TMEM131: variants seen among roughly 807,000 people sequenced by gnomAD.
TMEM131 encodes transmembrane protein 131.
TMEM131 carries 66 observed loss-of-function variants against 211.6 expected under a neutral mutation model. That is an observed-to-expected ratio of 0.31 (90% CI 0.26 to 0.38). The LOEUF (loss-of-function observed/expected upper bound fraction) is 0.38, where lower values mean the gene tolerates loss of function less well. Ranked by LOEUF, TMEM131 falls within the 10% of genes least tolerant of loss-of-function variation. TMEM131 has a pLI of 1.00. For synonymous variants in TMEM131, 844 were observed against 841.3 expected, an observed-to-expected ratio of 1.00 and a Z score of -0.06; for missense variants, 2,036 against 2,299.3, an observed-to-expected ratio of 0.89 and a Z score of 2.34.
At chr2:97,963,961 T>C (rs904055388) in intron 1 of TMEM131, among the ~76,000 whole-genome samples, 1 of 152,202 alleles carries the variant, frequency 6.6e-6, no homozygotes, top group Admixed American at 6.5e-5. Flanking sequence ...TTCTCAAATA[T>C]AAATGTTTTC....
In TMEM131 at chr2:97,766,526, T is replaced by C. The variant is rs373156820; in HGVS notation, c.4525A>G (p.Thr1509Ala). The C allele has an allele frequency of 4.3e-6, 7 of 1,613,890 alleles. No homozygotes were observed. Among genetic ancestry groups the C allele is most frequent in the Non-Finnish European group, 5.1e-6 (6 of 1,179,890 alleles). ...RNLPSKIPLPTAMTSGSKSRN... is the reference protein window; with the variant it reads ...RNLPSKIPLPAAMTSGSKSRN... ...GATTTGGATCCACTTGTCATTGCAG[T>C]TGGAAGAGGAATCTTGCTTGGGAGA... The change falls in exon 34 of 41, where the codon ACT (threonine) becomes GCT (alanine). Residue 1509 changes from threonine (T) to alanine (A), a missense_variant. Transcript: ENST00000186436.
chr2:97,987,096 A>T (rs1364891577), intron 1 of TMEM131, among the ~76,000 whole-genome samples: 1 of 152,274 alleles, frequency 6.6e-6, no homozygotes, highest in African/African-American at 2.4e-5. Flanking sequence ...CTTCACTGCC[A>T]AGACAGTTTT....
At chr2:97,814,209 A>G (rs1434327146) in intron 14 of TMEM131, 26 bp downstream of exon 14, 5 of 1,610,594 alleles carry the variant, frequency 3.1e-6, no homozygotes, top group Non-Finnish European at 4.2e-6. Context: ...CAGGAAAATT[A>G]AAAGTATGAG....
intron 4 of TMEM131, among the ~76,000 whole-genome samples, 176 bp from the exon 5 acceptor site, chr2:97,859,603 T>C (rs966511217): frequency 2.0e-5 from 3 of 152,218 alleles, no homozygotes; most frequent in African/African-American, 7.2e-5. Context: ...CAATAAATAT[T>C]TCCTGAGTGC....
At chr2:97,911,571 TATC>T (rs1676295119) in intron 2 of TMEM131, 1 of 967,864 alleles carries the variant, frequency 1.0e-6, no homozygotes, top group Non-Finnish European at 1.2e-6. Context: ...AGAAAAAAAT[TATC>T]ATGAAGACAG....
chr2:97,880,183 C>A (rs1030381049), intron 4 of TMEM131, among the ~76,000 whole-genome samples: 1 of 150,444 alleles, frequency 6.6e-6, no homozygotes, highest in African/African-American at 2.5e-5. Flanking sequence ...AATAACACGC[C>A]CAGCCCTTAT....
At chr2:97,782,338 C>T (rs1302374314) in intron 31 of TMEM131, among the ~76,000 whole-genome samples, 1 of 152,238 alleles carries the variant, frequency 6.6e-6, no homozygotes, top group East Asian at 1.9e-4. Context: ...GGTGGCACAA[C>T]CCCTTCCTCT....
chr2:97,820,318 G>C (rs1682050341), intron 11 of TMEM131, among the ~76,000 whole-genome samples: 2 of 152,164 alleles, frequency 1.3e-5, no homozygotes, highest in African/African-American at 2.4e-5. Flanking sequence ...TCACTGAAAG[G>C]TGAGTGTGTG....
chr2:97,885,615 G>A (rs1435306072), intron 4 of TMEM131, among the ~76,000 whole-genome samples: 1 of 151,728 alleles, frequency 6.6e-6, no homozygotes, highest in African/African-American at 2.4e-5. Flanking sequence ...TTCTTTCCTG[G>A]CCTGTAAGTT....
intron 1 of TMEM131, among the ~76,000 whole-genome samples, chr2:97,969,008 A>C (rs573877930): frequency 6.6e-6 from 1 of 151,590 alleles, no homozygotes; most frequent in South Asian, 2.1e-4. Flanking sequence ...ACATGAGCCT[A>C]GGAGATCGAG....
chr2:97,845,294 G>A (rs572217925), intron 5 of TMEM131, among the ~76,000 whole-genome samples: 1 of 151,976 alleles, frequency 6.6e-6, no homozygotes, highest in Non-Finnish European at 1.5e-5. Flanking sequence ...TCATACAGGA[G>A]TGTCAGCTAG....
At chr2:97,988,991 G>A (rs1680149075) in intron 1 of TMEM131, among the ~76,000 whole-genome samples, 1 of 152,126 alleles carries the variant, frequency 6.6e-6, no homozygotes. Context: ...AGAGCCAAGA[G>A]GTAGGAGCAA....
chr2:97,987,346 T>C (rs1000254607), intron 1 of TMEM131, among the ~76,000 whole-genome samples: 2 of 151,912 alleles, frequency 1.3e-5, no homozygotes, highest in Non-Finnish European at 2.9e-5. Flanking sequence ...CTACTAAAAA[T>C]ACAAAAATTA....
intron 5 of TMEM131, among the ~76,000 whole-genome samples, chr2:97,858,985 T>A (rs936045417): frequency 4.6e-5 from 7 of 152,206 alleles, no homozygotes; most frequent in African/African-American, 1.7e-4. Flanking sequence ...TTTGTGGTAA[T>A]TTATTATGTA....
intron 1 of TMEM131, among the ~76,000 whole-genome samples, chr2:97,989,146 A>AC (rs1680155109): frequency 6.6e-6 from 1 of 152,220 alleles, no homozygotes; most frequent in African/African-American, 2.4e-5. Context: ...CTTTTGAAGA[A>AC]AACAGGCTAT....
At chr2:97,868,974 C>T (rs111948145) in intron 4 of TMEM131, among the ~76,000 whole-genome samples, 6 of 152,134 alleles carry the variant, frequency 3.9e-5, no homozygotes, top group Non-Finnish European at 5.9e-5. Context: ...GAAGCTCAAT[C>T]GATACAATAT....
rs70938540 is a variant in TMEM131 at position 97,847,070 on chromosome 2, TGGGGGGGGG to T, written c.484-2818_484-2810del. ...GGCGCGTGCCTGTAGTCCCAGCTAC[TGGGGGGGGG>T]GGGGGGGGCCGAGGCAGGAGAGTCG... On this transcript the variant is annotated intron_variant, in intron 5 of 40. Transcript: ENST00000186436. 3.0e-4 allele frequency among the ~76,000 whole-genome samples: 7 copies of T among 23,034 alleles called. 1 individual carries two copies. Among genetic ancestry groups the T allele is most frequent in the Non-Finnish European group, 8.0e-4 (7 of 8,772 alleles). The allele number at this position is 23,034 out of a possible 152,430, so 15.1% of individuals were successfully genotyped here.
chr2:97,787,159 T>C (rs1182113118), intron 31 of TMEM131, among the ~76,000 whole-genome samples: 1 of 152,250 alleles, frequency 6.6e-6, no homozygotes, highest in East Asian at 1.9e-4. Flanking sequence ...AGGCAAAGTA[T>C]GAATTATCTA....
intron 35 of TMEM131, among the ~76,000 whole-genome samples, chr2:97,765,890 A>T (rs1679138204): frequency 6.6e-6 from 1 of 151,858 alleles, no homozygotes; most frequent in South Asian, 2.1e-4. Flanking sequence ...AAAAGCCCTG[A>T]TGTGAATTGT....
Sources: gnomAD v4.1 joint callset for allele counts (sites outside exome capture counted in the v4.1 genomes callset) on GRCh38, gnomAD v4.1.1 for gene constraint, MANE v1.5 for transcripts, NCBI Gene and HGNC (gene_info 2026-07-23, HGNC 2026-07-21) for gene names.